LMNTD1: variants seen among roughly 807,000 people sequenced by gnomAD.
LMNTD1 encodes the protein lamin tail domain containing 1.
Under a neutral mutation model 50.9 loss-of-function variants are expected in LMNTD1, and 35 were observed. The ratio of observed to expected loss-of-function variants is 0.69; its 90% CI spans 0.53 to 0.91. The LOEUF (loss-of-function observed/expected upper bound fraction) is 0.91. Ranked by LOEUF, LMNTD1 falls within the 40% of genes least tolerant of loss-of-function variation. The probability of loss-of-function intolerance (pLI) is 0.00; values close to 1 mark genes in which losing one functional copy is unlikely to be tolerated. For synonymous variants in LMNTD1, 153 were observed against 161.9 expected (o/e 0.94, Z 0.42); for missense variants, 470 against 475.5 (o/e 0.99, Z 0.11).
At chr12:25,507,309 T>C (rs941059620) in intron 8 of LMNTD1, among the ~76,000 whole-genome samples, 3 of 152,226 alleles carry the variant, frequency 2.0e-5, no homozygotes, top group Non-Finnish European at 4.4e-5. Flanking sequence ...CAATGTCTAA[T>C]ATTCATTCTG....
chr12:25,644,220 A>C (rs1354136147), intron 1 of LMNTD1, among the ~76,000 whole-genome samples: 1 of 148,110 alleles, frequency 6.8e-6, no homozygotes, highest in Non-Finnish European at 1.5e-5. Flanking sequence ...TCATGCCTGT[A>C]ATCCCAGGAC....
rs768765045 is a variant in LMNTD1 at position 25,526,119 on chromosome 12, G to A, written c.778C>T (p.Leu260=). ...CTAACTTGACCGTTCGGTTTGCACA[G>A]GATTGTTATACAATCAGGACTTGCT... ...FRASPDCITI[L]CKPNGQAIAW... The change falls in exon 6 of 10, where the codon CTG becomes TTG. Residue 260 remains leucine (L), a synonymous_variant. Coordinates refer to ENST00000458174, the MANE Select transcript of LMNTD1 (RefSeq NM_001145728.2). 6.2e-7 allele frequency: 1 copy of A among 1,601,712 alleles called. No homozygotes were observed. Among genetic ancestry groups the A allele is most frequent in the Admixed American group, 1.7e-5 (1 of 58,404 alleles).
chr12:25,598,733 A>G (rs186549253), intron 1 of LMNTD1, among the ~76,000 whole-genome samples: 2 of 152,210 alleles, frequency 1.3e-5, no homozygotes, highest in Admixed American at 6.5e-5. Context: ...CTATATGCCA[A>G]TAAATTGAAA....
Position 25,526,794 on chromosome 12 carries a change from A to G in LMNTD1, c.653T>C (p.Val218Ala). ...TGTTACTGTGGAATTTGCCTGCATT[A>G]CGATGTTTGGAAGGAATCGGTACAA... ...ISLYRFLPNI[V>A]MQANSTVTVW... Residue 218 changes from valine to alanine, a missense_variant, in exon 5 of 10, where the codon GTA (valine) becomes GCA (alanine). Val to Ala is a moderately conservative substitution (Grantham distance 64, BLOSUM62 0). Coordinates refer to ENST00000458174, the MANE Select transcript of LMNTD1 (RefSeq NM_001145728.2). 6.2e-7 allele frequency: 1 copy of G among 1,610,702 alleles called. No individual in the cohort carries two copies. The highest frequency in any genetic ancestry group is 8.5e-7 in the Non-Finnish European group (1 of 1,178,270).
At chr12:25,638,205 C>T (rs1449969792) in intron 1 of LMNTD1, among the ~76,000 whole-genome samples, 1 of 152,012 alleles carries the variant, frequency 6.6e-6, no homozygotes, top group Admixed American at 6.6e-5. Context: ...TGATAAAGAA[C>T]ATCTACAAAA....
chr12:25,529,049 C>A lies in LMNTD1; in HGVS notation c.492-2094G>T, dbSNP rs1027327693. On this transcript the variant is annotated intron_variant, in intron 4 of 9. Transcript: ENST00000458174. ...CCAGATGACCAATGCCCTTCACAAT[C>A]GGTAAATTGAGTGGCAACTGTTAGT... 2.0e-5 allele frequency among the ~76,000 whole-genome samples: 3 copies of A among 152,180 alleles called. No homozygotes were observed. The East Asian group carries it at 5.8e-4, about 29-fold the overall frequency.
chr12:25,562,323 G>A lies in LMNTD1; in HGVS notation c.59-15769C>T, dbSNP rs555934010. On this transcript the variant is annotated intron_variant, in intron 1 of 7. Coordinates refer to the LMNTD1 transcript ENST00000445693. ...GCTTCCTTCAAGAGCTCTTGTAAGG[G>A]AGGCCTGGTGGTGACAAAATCTCTC... Among the ~76,000 whole-genome samples the A allele has an allele frequency of 4.6e-5, 7 of 152,266 alleles. No homozygotes were observed. The East Asian group carries it at 1.2e-3, about 25-fold the overall frequency.
At position 25,582,033 on chromosome 12, in the gene LMNTD1, T is replaced by C. The variant is rs115161442; in HGVS notation, c.59-35479A>G. The stretch of plus-strand genomic sequence containing the variant: ...TTCCTCGACTTTTATCTCATCCTCA[T>C]CCATGTGAAGGGGCAAAAGCCTGGT... On this transcript the variant is annotated intron_variant, in intron 1 of 7. Transcript: ENST00000445693. 4.6e-3 allele frequency among the ~76,000 whole-genome samples: 706 copies of C among 152,326 alleles called. 5 individuals carry two copies. The highest frequency in any genetic ancestry group is 0.015 in the African/African-American group (637 of 41,586).
chr12:25,548,199 C>G (rs1026700495), intron 3 of LMNTD1, among the ~76,000 whole-genome samples: 3 of 149,598 alleles, frequency 2.0e-5, no homozygotes, highest in Non-Finnish European at 4.5e-5. Flanking sequence ...ACCATAATGG[C>G]AGGAGAAAAA....
intron 1 of LMNTD1, among the ~76,000 whole-genome samples, chr12:25,619,252 C>CTCTCTCTCTCTATATATATATATATATA (rs1374134268): frequency 3.6e-5 from 3 of 84,444 alleles, no homozygotes; most frequent in African/African-American, 1.5e-4. Context: ...CTCTCTCTCT[C>CTCTCTCTCTCTATATATATATATATATA]TATATATATA....
chr12:25,622,798 G>A (rs966919146), intron 1 of LMNTD1, among the ~76,000 whole-genome samples: 1 of 151,956 alleles, frequency 6.6e-6, no homozygotes, highest in African/African-American at 2.4e-5. Flanking sequence ...ACACAAAGGC[G>A]CCAAAAGGGT....
At chr12:25,602,923 T>A (rs2136511916) in intron 1 of LMNTD1, among the ~76,000 whole-genome samples, 1 of 152,192 alleles carries the variant, frequency 6.6e-6, no homozygotes, top group East Asian at 1.9e-4. Context: ...ACAATGCACG[T>A]TTCTATAAAT....
At chr12:25,578,715 T>C (rs1185315938) in intron 1 of LMNTD1, among the ~76,000 whole-genome samples, 1 of 152,162 alleles carries the variant, frequency 6.6e-6, no homozygotes, top group African/African-American at 2.4e-5. Context: ...ACACAGCATA[T>C]GCAATCTTGA....
At chr12:25,477,267 T>C (rs966995455) in intron 9 of LMNTD1, among the ~76,000 whole-genome samples, 1 of 152,082 alleles carries the variant, frequency 6.6e-6, no homozygotes, top group Non-Finnish European at 1.5e-5. Context: ...AAGTTTATTT[T>C]AACATACGAA....
intron 9 of LMNTD1, among the ~76,000 whole-genome samples, 183 bp downstream of exon 9, chr12:25,503,555 C>CAAA (rs1226061241): frequency 3.9e-5 from 6 of 152,106 alleles, no homozygotes; most frequent in Non-Finnish European, 7.4e-5. Context: ...GAAAGCTTAT[C>CAAA]ATTCAACATG....
In LMNTD1 at chr12:25,553,243, T is replaced by C. The variant is rs1943878477; in HGVS notation, c.-205A>G. On this transcript the variant is annotated 5_prime_UTR_variant, in exon 1 of 10. Transcript: ENST00000458174. ...GTGTGTAGCATTCACTGGAAGCAGC[T>C]TGAGAGGGCAGTAACTTGGCAAAGA... 1 of 1,478,096 alleles carries C rather than the reference T, an allele frequency of 6.8e-7. No individual in the cohort carries two copies. The highest frequency in any genetic ancestry group is 8.9e-7 in the Non-Finnish European group (1 of 1,117,800). 91.6% of individuals were successfully genotyped at this position (1,478,096 alleles called of 1,614,324 possible).
intron 1 of LMNTD1, among the ~76,000 whole-genome samples, chr12:25,590,283 C>T (rs1478244612): frequency 2.0e-5 from 3 of 152,100 alleles, no homozygotes; most frequent in African/African-American, 7.2e-5. Flanking sequence ...GCACTGAACT[C>T]ACTGCTGCCT....
chr12:25,594,503 C>T (rs970023784), intron 1 of LMNTD1, among the ~76,000 whole-genome samples: 2 of 151,848 alleles, frequency 1.3e-5, no homozygotes, highest in Non-Finnish European at 2.9e-5. Flanking sequence ...TTTCAGACAA[C>T]CAAATGTTGA....
chr12:25,489,727 T>C (rs1219955015), intron 9 of LMNTD1, among the ~76,000 whole-genome samples: 1 of 152,058 alleles, frequency 6.6e-6, no homozygotes, highest in Non-Finnish European at 1.5e-5. Flanking sequence ...AGAAATGAAA[T>C]TACAAAAGAA....
Sources: gnomAD v4.1 joint callset for allele counts (sites outside exome capture counted in the v4.1 genomes callset) on GRCh38, gnomAD v4.1.1 for gene constraint, MANE v1.5 for transcripts, NCBI Gene and HGNC (gene_info 2026-07-23, HGNC 2026-07-21) for gene names.